RICTOR: variants seen among roughly 807,000 people sequenced by gnomAD.
RICTOR encodes the protein RPTOR independent companion of MTOR complex 2.
RICTOR carries 49 observed loss-of-function variants against 214.9 expected under a neutral mutation model. The observed-to-expected ratio is 0.23, with a 90% CI of 0.18 to 0.29. The LOEUF is 0.29. Among genes scored for constraint, RICTOR ranks in the 10% least tolerant of loss-of-function variants. RICTOR has a pLI of 1.00. For synonymous variants in RICTOR, 717 were observed against 711.3 expected (o/e 1.01, Z -0.13); for missense variants, 1,625 against 2,047.0 (o/e 0.79, Z 3.98).
Position 39,074,094 on chromosome 5 carries a change from G to T in RICTOR, c.97+17C>A. 1 of 1,552,242 alleles carries T rather than the reference G, an allele frequency of 6.4e-7. No individual in the cohort carries two copies. The highest frequency in any genetic ancestry group is 8.7e-7 in the Non-Finnish European group (1 of 1,150,196). On this transcript the variant is annotated intron_variant, in intron 2 of 37. Coordinates refer to ENST00000357387, the MANE Select transcript of RICTOR (RefSeq NM_152756.5). ...CCAGCAGCGCGCCCTCGCGGCGCCC[G>T]CGGCGCCCCGCGTTACCTCGGGTCA...
rs1230911017 is a variant in RICTOR at position 38,960,444 on chromosome 5, G to A, written c.1805C>T (p.Thr602Met). ...TTCTGTAAACTGGCAACCTACAACCGTGAGCTGTTTGGCCTTGGCAAAATC... is the reference window on the plus strand; with the variant it reads ...TTCTGTAAACTGGCAACCTACAACCATGAGCTGTTTGGCCTTGGCAAAATC... ...DLDFAKAKQL[T>M]VVGCQFTEFL... The change falls in exon 20 of 38, where the codon ACG becomes ATG. Residue 602 changes from threonine to methionine, a missense_variant. Physicochemically the swap from Thr to Met is moderately conservative, Grantham distance 81 (BLOSUM62 -1). Coordinates refer to ENST00000357387, the MANE Select transcript of RICTOR (RefSeq NM_152756.5). The A allele has an allele frequency of 1.4e-5, 22 of 1,613,602 alleles. No individual in the cohort carries two copies. Among genetic ancestry groups the A allele is most frequent in the Non-Finnish European group, 1.7e-5 (20 of 1,179,700 alleles).
chr5:39,063,504 C>A (rs1758688753), intron 2 of RICTOR, among the ~76,000 whole-genome samples: 1 of 152,140 alleles, frequency 6.6e-6, no homozygotes, highest in South Asian at 2.1e-4. Flanking sequence ...ATGCAAAGGT[C>A]TTACAATTGT....
intron 3 of RICTOR, among the ~76,000 whole-genome samples, chr5:39,007,307 A>AT (rs1648101521): frequency 6.6e-6 from 1 of 152,150 alleles, no homozygotes; most frequent in South Asian, 2.1e-4. Context: ...CTTGCCTTAC[A>AT]TATGGCTATT....
chr5:38,975,396 G>C lies in RICTOR; in HGVS notation c.889+141C>G, dbSNP rs554843325. 4.5e-5 allele frequency: 28 copies of C among 621,242 alleles called. No individual in the cohort carries two copies. The African/African-American group carries it at 4.8e-4, about 11-fold the overall frequency. The allele number at this position is 621,242 out of a possible 1,614,324, so 38.5% of individuals were successfully genotyped here. Reference sequence around the variant, plus strand: ...TCACCATATTTTAATAATTTTGTACGAGTTCCTTTGGTTCTAATAATAATA... The same window carrying C: ...TCACCATATTTTAATAATTTTGTACCAGTTCCTTTGGTTCTAATAATAATA... On this transcript the variant is annotated intron_variant, in intron 10 of 37. Coordinates refer to ENST00000357387, the MANE Select transcript of RICTOR (RefSeq NM_152756.5).
intron 30 of RICTOR, 111 bp from the exon 31 acceptor site, chr5:38,950,831 A>T: frequency 1.2e-6 from 1 of 815,170 alleles, no homozygotes; most frequent in South Asian, 2.2e-5. Context: ...AGAGGAAAAA[A>T]TTTAAAAATA....
intron 7 of RICTOR, among the ~76,000 whole-genome samples, 199 bp downstream of exon 7, chr5:38,990,750 A>ATATCATATC (rs1752664961): frequency 8.4e-6 from 1 of 119,606 alleles, no homozygotes; most frequent in Non-Finnish European, 1.7e-5. Context: ...TATATGAGAT[A>ATATCATATC]TATGATATAT....
At chr5:39,054,864 T>C (rs1758095447) in intron 2 of RICTOR, among the ~76,000 whole-genome samples, 1 of 152,216 alleles carries the variant, frequency 6.6e-6, no homozygotes, top group African/African-American at 2.4e-5. Context: ...GTAATTAGGG[T>C]TATACACACA....
intron 19 of RICTOR, among the ~76,000 whole-genome samples, chr5:38,960,966 A>G (rs974827392): frequency 6.6e-6 from 1 of 152,082 alleles, no homozygotes; most frequent in Admixed American, 6.6e-5. Context: ...CTCCCTAGCC[A>G]TGTGGAATTG....
chr5:39,011,038 C>T (rs1754471457), intron 3 of RICTOR, among the ~76,000 whole-genome samples: 1 of 152,132 alleles, frequency 6.6e-6, no homozygotes. Context: ...AAAATGTCTC[C>T]AAGGCATGTC....
intron 6 of RICTOR, among the ~76,000 whole-genome samples, chr5:38,995,445 A>T (rs758964425): frequency 8.5e-5 from 13 of 152,106 alleles, no homozygotes; most frequent in Non-Finnish European, 8.8e-5. Flanking sequence ...AGGGATAAAA[A>T]GATTACATAC....
At position 38,945,545 on chromosome 5, in the gene RICTOR, C is replaced by T. The variant is rs752777927; in HGVS notation, c.4579G>A (p.Glu1527Lys). Residue 1527 changes from glutamate to lysine, a missense_variant, in exon 34 of 38, where the codon GAA (glutamate) becomes AAA (lysine). Coordinates refer to ENST00000357387, the MANE Select transcript of RICTOR (RefSeq NM_152756.5). ...TTGCTGGGCTGGAAACCCAGAATTTCAATACAGACACAATAAAGGCAGTTA... is the reference window on the plus strand; with the variant it reads ...TTGCTGGGCTGGAAACCCAGAATTTTAATACAGACACAATAAAGGCAGTTA... ...DDNCLYCVCI[E>K]ILGFQPSNQL... 57 of 1,613,934 alleles carry T rather than the reference C, an allele frequency of 3.5e-5. No homozygotes were observed. The highest frequency in any genetic ancestry group is 4.3e-5 in the Non-Finnish European group (51 of 1,179,954).
intron 2 of RICTOR, among the ~76,000 whole-genome samples, chr5:39,064,777 T>C (rs1758783337): frequency 6.6e-6 from 1 of 152,262 alleles, no homozygotes; most frequent in Non-Finnish European, 1.5e-5. Flanking sequence ...GTGGGACTAC[T>C]ACTCACAGTG....
At chr5:38,955,240 A>G (rs1333437723) in intron 26 of RICTOR, among the ~76,000 whole-genome samples, 1 of 152,034 alleles carries the variant, frequency 6.6e-6, no homozygotes, top group Non-Finnish European at 1.5e-5. Flanking sequence ...TACCATTCCC[A>G]AGGTATCTCG....
intron 24 of RICTOR, among the ~76,000 whole-genome samples, chr5:38,958,150 T>A (rs889856323): frequency 6.6e-6 from 1 of 151,914 alleles, no homozygotes; most frequent in South Asian, 2.1e-4. Context: ...GGCAGGAGAA[T>A]CACTTGAACT....
intron 30 of RICTOR, 133 bp downstream of exon 30, chr5:38,952,063 A>C (rs1001380959): frequency 4.9e-6 from 3 of 611,522 alleles, no homozygotes; most frequent in Non-Finnish European, 8.8e-6. Context: ...CACATTCTCC[A>C]AGAGGCTATT....
chr5:38,995,109 A>G (rs1753082705), intron 6 of RICTOR, among the ~76,000 whole-genome samples: 1 of 152,252 alleles, frequency 6.6e-6, no homozygotes, highest in Non-Finnish European at 1.5e-5. Flanking sequence ...GCAAAACTCT[A>G]AAACAATAGC....
chr5:39,007,405 C>A (rs925281890), intron 3 of RICTOR, among the ~76,000 whole-genome samples: 1 of 152,034 alleles, frequency 6.6e-6, no homozygotes, highest in Non-Finnish European at 1.5e-5. Flanking sequence ...ACCCATATGA[C>A]CACATTTTTC....
At chr5:39,002,801 T>C in intron 4 of RICTOR, 135 bp from the exon 5 acceptor site, 1 of 800,890 alleles carries the variant, frequency 1.2e-6, no homozygotes, top group Non-Finnish European at 1.9e-6. Flanking sequence ...GCATTCTACA[T>C]ATATAAAAAT....
chr5:39,001,210 T>C (rs1753588610), intron 5 of RICTOR, among the ~76,000 whole-genome samples: 1 of 152,008 alleles, frequency 6.6e-6, no homozygotes. Context: ...CTGCAGTAGT[T>C]AAAACAGTTG....
Sources: gnomAD v4.1 joint callset for allele counts (sites outside exome capture counted in the v4.1 genomes callset) on GRCh38, gnomAD v4.1.1 for gene constraint, MANE v1.5 for transcripts, NCBI Gene and HGNC (gene_info 2026-07-23, HGNC 2026-07-21) for gene names.